The following CA10 variants were observed in gnomAD, a reference collection of about 807,000 sequenced individuals.
The protein encoded by CA10 is carbonic anhydrase-related protein 10.
A neutral mutation model predicts 44.2 loss-of-function variants in CA10; 14 were observed. The observed-to-expected ratio is 0.32, with a 90% confidence interval of 0.21 to 0.50. The LOEUF is 0.50. CA10 is among the 20% of genes least tolerant of loss of function. CA10 has a pLI of 0.99. For synonymous variants in CA10, 159 were observed against 141.6 expected (o/e 1.12, Z -0.87); for missense variants, 350 against 409.7 (o/e 0.85, Z 1.26).
chr17:52,091,179 A>G (rs1297731602), intron 1 of CA10, among the ~76,000 whole-genome samples: 1 of 152,232 alleles, frequency 6.6e-6, no homozygotes, highest in Non-Finnish European at 1.5e-5. Context: ...GGAAGGAAAT[A>G]CAACCAAATG....
chr17:51,941,954 G>A (rs736267), intron 2 of CA10, among the ~76,000 whole-genome samples: 27,295 of 151,876 alleles, frequency 0.18, 3,276 homozygotes, highest in East Asian at 0.49. Flanking sequence ...CTCTCTGTAC[G>A]TACATGCAAA....
At chr17:51,786,167 CCTT>C (rs1906266659) in intron 3 of CA10, among the ~76,000 whole-genome samples, 1 of 151,476 alleles carries the variant, frequency 6.6e-6, no homozygotes, top group South Asian at 2.1e-4. Context: ...GATTTTGTAT[CCTT>C]CTACTTTACT....
At chr17:51,846,909 G>A (rs1978520487) in intron 3 of CA10, among the ~76,000 whole-genome samples, 1 of 152,154 alleles carries the variant, frequency 6.6e-6, no homozygotes, top group African/African-American at 2.4e-5. Context: ...ATGTAGCACT[G>A]TGAACAAGTC....
intron 2 of CA10, among the ~76,000 whole-genome samples, chr17:51,962,810 G>A (rs1461340549): frequency 2.6e-5 from 4 of 152,128 alleles, no homozygotes; most frequent in African/African-American, 9.7e-5. Context: ...AAAATTAGAA[G>A]TCCTATTATC....
At chr17:51,897,403 T>C (rs375668987) in intron 3 of CA10, among the ~76,000 whole-genome samples, 3 of 152,140 alleles carry the variant, frequency 2.0e-5, no homozygotes, top group African/African-American at 7.2e-5. Flanking sequence ...TTGATCTGTC[T>C]ATTCTGTTCC....
At chr17:51,666,133 G>A (rs545960062) in intron 4 of CA10, among the ~76,000 whole-genome samples, 2 of 152,190 alleles carry the variant, frequency 1.3e-5, no homozygotes, top group South Asian at 2.1e-4. Flanking sequence ...CAACAAACCC[G>A]TATGTGTTTC....
chr17:51,875,796 GTTTCT>G (rs1448722051), intron 3 of CA10, among the ~76,000 whole-genome samples: 2 of 152,054 alleles, frequency 1.3e-5, no homozygotes, highest in African/African-American at 4.8e-5. Context: ...CCCTCAAGCA[GTTTCT>G]TTTAACTTAA....
chr17:51,999,475 A>G (rs1409254506), intron 2 of CA10, among the ~76,000 whole-genome samples: 2 of 152,048 alleles, frequency 1.3e-5, no homozygotes, highest in Middle Eastern at 3.2e-3. Context: ...TGTTCTTTTT[A>G]TGTGGGCAAG....
chr17:51,770,292 C>T lies in CA10; in HGVS notation c.280-22474G>A, dbSNP rs190543041. The stretch of plus-strand genomic sequence containing the variant: ...ACGTTATTCTCTAAATCATAGTTAT[C>T]TGTGGTGACCAGCAAGTTACCAAAT... On this transcript the variant is annotated intron_variant, in intron 3 of 8. Coordinates refer to ENST00000451037, the MANE Select transcript of CA10 (RefSeq NM_020178.5). Among the ~76,000 whole-genome samples, 55 of 151,570 alleles carry T rather than the reference C, an allele frequency of 3.6e-4. No homozygotes were observed. The East Asian group carries it at 1.0e-2, about 28-fold the overall frequency.
At chr17:52,102,209 G>A (rs1988556498) in intron 1 of CA10, among the ~76,000 whole-genome samples, 2 of 152,110 alleles carry the variant, frequency 1.3e-5, no homozygotes, top group Non-Finnish European at 1.5e-5. Context: ...AGATTCTCAG[G>A]AAAACAGAGA....
chr17:51,958,262 T>G (rs963521759), intron 2 of CA10, among the ~76,000 whole-genome samples: 3 of 41,922 alleles, frequency 7.2e-5, no homozygotes, highest in Admixed American at 1.7e-4. Flanking sequence ...ACTGAGTTTT[T>G]TTTTTTTTTT....
intron 3 of CA10, among the ~76,000 whole-genome samples, chr17:51,888,135 T>C (rs1980695981): frequency 6.6e-6 from 1 of 152,124 alleles, no homozygotes; most frequent in Admixed American, 6.5e-5. Flanking sequence ...TAGATTTCTT[T>C]TCCTTGTCTC....
At chr17:51,894,302 C>T (rs1265517480) in intron 3 of CA10, among the ~76,000 whole-genome samples, 1 of 151,992 alleles carries the variant, frequency 6.6e-6, no homozygotes, top group African/African-American at 2.4e-5. Flanking sequence ...CACGTTTGTC[C>T]CCCAAGCAAA....
intron 3 of CA10, among the ~76,000 whole-genome samples, chr17:51,861,036 C>T (rs1979281622): frequency 6.6e-6 from 1 of 152,176 alleles, no homozygotes; most frequent in African/African-American, 2.4e-5. Flanking sequence ...CACTGTCCCT[C>T]AGCTTCAAAT....
chr17:52,012,970 T>C (rs1412391837), intron 2 of CA10, among the ~76,000 whole-genome samples: 1 of 151,998 alleles, frequency 6.6e-6, no homozygotes, highest in African/African-American at 2.4e-5. Flanking sequence ...CCAATGTAGC[T>C]TACTTGCTGG....
chr17:51,724,716 T>C (rs1220409114), intron 4 of CA10, among the ~76,000 whole-genome samples: 2 of 152,182 alleles, frequency 1.3e-5, no homozygotes, highest in African/African-American at 2.4e-5. Context: ...GAAAATACAA[T>C]GTAAAAGAGA....
At chr17:51,826,796 C>T (rs1255238054) in intron 3 of CA10, among the ~76,000 whole-genome samples, 1 of 152,208 alleles carries the variant, frequency 6.6e-6, no homozygotes, top group African/African-American at 2.4e-5. Context: ...CTCAGGGTCT[C>T]ATTGGTCTGG....
rs928254971 is a variant in CA10 at position 51,727,871 on chromosome 17, CT to C, written c.465+19761del. On this transcript the variant is annotated intron_variant, in intron 4 of 8. Coordinates refer to ENST00000451037, the MANE Select transcript of CA10 (RefSeq NM_020178.5). ...TTAAAAATAAAAGACTTTTGCAGAA[CT>C]TTTTTTTTTTAAAGACTTAAAAAAA... Among the ~76,000 whole-genome samples the C allele has an allele frequency of 3.6e-3, 524 of 147,326 alleles. 4 individuals are homozygous for C. The highest frequency in any genetic ancestry group is 9.8e-3 in the African/African-American group (393 of 40,302).
At chr17:51,874,600 G>T (rs1350006123) in intron 3 of CA10, among the ~76,000 whole-genome samples, 1 of 152,072 alleles carries the variant, frequency 6.6e-6, no homozygotes, top group African/African-American at 2.4e-5. Flanking sequence ...TATTAACGTG[G>T]TCTATTATAT....
Sources: allele counts gnomAD v4.1 joint callset (sites outside exome capture counted in the v4.1 genomes callset), GRCh38; gene constraint gnomAD v4.1.1; transcripts MANE v1.5; gene names NCBI Gene and HGNC (gene_info 2026-07-23, HGNC 2026-07-21).